Variants in MYZAP observed in about 807,000 individuals in gnomAD.
The protein encoded by MYZAP is GRINL1A complex locus upstream.
A neutral mutation model predicts 69.4 loss-of-function variants in MYZAP; 66 were observed. The observed-to-expected ratio is 0.95, with a 90% CI of 0.78 to 1.17. The LOEUF (loss-of-function observed/expected upper bound fraction) is 1.17, where lower values mean the gene tolerates loss of function less well. Ranked by LOEUF, MYZAP falls within the 50% of genes most tolerant of loss-of-function variation. MYZAP has a pLI of 0.00. For synonymous variants in MYZAP, 256 were observed against 205.9 expected (o/e 1.24, Z -2.09); for missense variants, 611 against 556.2 (o/e 1.10, Z -0.99).
At chr15:57,657,807 T>C (rs2038079686) in intron 10 of MYZAP, among the ~76,000 whole-genome samples, 1 of 152,190 alleles carries the variant, frequency 6.6e-6, no homozygotes. Flanking sequence ...AACAGCTTTA[T>C]GGCTCTTAAT....
intron 10 of MYZAP, among the ~76,000 whole-genome samples, chr15:57,655,408 A>G (rs1281917591): frequency 1.3e-5 from 2 of 152,200 alleles, no homozygotes; most frequent in Non-Finnish European, 2.9e-5. Flanking sequence ...CTCCCGTGCC[A>G]TGCTAGTGAG....
At chr15:57,656,196 A>G (rs1342446005) in intron 10 of MYZAP, among the ~76,000 whole-genome samples, 2 of 152,208 alleles carry the variant, frequency 1.3e-5, no homozygotes, top group Non-Finnish European at 2.9e-5. Context: ...TAGCAAGATC[A>G]TCTTGGCCCA....
At chr15:57,670,494 C>T (rs2038817762) in intron 11 of MYZAP, among the ~76,000 whole-genome samples, 1 of 152,004 alleles carries the variant, frequency 6.6e-6, no homozygotes, top group Non-Finnish European at 1.5e-5. Flanking sequence ...TAAAGTACAT[C>T]TCTTATAGAA....
rs907055274 is a variant in MYZAP at position 57,607,614 on chromosome 15, A to G, written c.162+3259A>G. On this transcript the variant is annotated intron_variant, in intron 2 of 12. Coordinates refer to ENST00000267853, the MANE Select transcript of MYZAP (RefSeq NM_001018100.5). ...TGAGAACTCCAAGGCCCTGAGGAGC[A>G]CAGGACAGGCACTGCTGGGATAGCA... 7.2e-5 allele frequency among the ~76,000 whole-genome samples: 11 copies of G among 152,150 alleles called. 1 individual carries two copies. The highest frequency in any genetic ancestry group is 6.5e-5 in the Admixed American group (1 of 15,278).
chr15:57,598,033 T>C (rs2034175157), intron 1 of MYZAP, among the ~76,000 whole-genome samples: 1 of 152,190 alleles, frequency 6.6e-6, no homozygotes, highest in African/African-American at 2.4e-5. Flanking sequence ...CTTAGGGAAA[T>C]CCATCTTTGT....
chr15:57,632,582 T>A (rs747045108), intron 7 of MYZAP, 23 bp downstream of exon 7: 40 of 1,612,696 alleles, frequency 2.5e-5, no homozygotes, highest in Non-Finnish European at 3.2e-5. Flanking sequence ...TAGCTGCCGA[T>A]GTAAACTTAC....
chr15:57,663,647 G>A (rs530924241), intron 11 of MYZAP, among the ~76,000 whole-genome samples: 2 of 152,200 alleles, frequency 1.3e-5, no homozygotes, highest in African/African-American at 2.4e-5. Context: ...CTGGGGGGTT[G>A]TGGCAGTTCT....
intron 11 of MYZAP, among the ~76,000 whole-genome samples, chr15:57,664,145 TG>T (rs1413671912): frequency 4.6e-5 from 7 of 151,962 alleles, no homozygotes; most frequent in Non-Finnish European, 8.8e-5. Context: ...AACATCATTT[TG>T]ACACCTTTCA....
chr15:57,661,649 A>G (rs2038314867), intron 11 of MYZAP, 116 bp downstream of exon 11: 1 of 916,676 alleles, frequency 1.1e-6, no homozygotes, highest in Non-Finnish European at 1.6e-6. Context: ...TATAAAATTG[A>G]TTGAGGGTTA....
chr15:57,635,818 A>G (rs1291836119), intron 8 of MYZAP, among the ~76,000 whole-genome samples: 1 of 152,220 alleles, frequency 6.6e-6, no homozygotes, highest in African/African-American at 2.4e-5. Context: ...CTCAAGGACA[A>G]ACCATGTGCT....
At chr15:57,680,484 T>TAC (rs1434831826) in intron 12 of MYZAP, among the ~76,000 whole-genome samples, 102 of 89,048 alleles carry the variant, frequency 1.1e-3, no homozygotes, top group African/African-American at 4.3e-3. Context: ...GGTTCAGGAG[T>TAC]TCACACACAC....
At chr15:57,639,374 A>G (rs535802374) in intron 9 of MYZAP, 66 bp from the exon 10 acceptor site, 1 of 1,532,880 alleles carries the variant, frequency 6.5e-7, no homozygotes, top group African/African-American at 1.4e-5. Context: ...TAAAGCTGTG[A>G]CTGTTGCTAC....
chr15:57,599,348 C>T, intron 1 of MYZAP: 1 of 553,404 alleles, frequency 1.8e-6, no homozygotes, highest in Non-Finnish European at 2.4e-6. Flanking sequence ...CCTTGGAGGC[C>T]AGCATTTTTT....
At chr15:57,604,231 C>T (rs183081206) in intron 1 of MYZAP, 38 bp from the exon 2 acceptor site, 3 of 1,608,300 alleles carry the variant, frequency 1.9e-6, no homozygotes, top group African/African-American at 2.7e-5. Flanking sequence ...GCCCCAAATG[C>T]TGACTCCTAA....
intron 10 of MYZAP, 53 bp downstream of exon 10, chr15:57,639,598 G>A: frequency 6.3e-7 from 1 of 1,576,760 alleles, no homozygotes; most frequent in South Asian, 1.2e-5. Context: ...TGGTGGGGAA[G>A]CATCCCCAGA....
intron 2 of MYZAP, among the ~76,000 whole-genome samples, chr15:57,615,913 T>G (rs1237695631): frequency 6.6e-6 from 1 of 152,074 alleles, no homozygotes; most frequent in Non-Finnish European, 1.5e-5. Flanking sequence ...AAGCAATGGT[T>G]GTAGTATTTT....
intron 1 of MYZAP, among the ~76,000 whole-genome samples, chr15:57,596,951 C>A (rs1248186857): frequency 6.6e-6 from 1 of 152,156 alleles, no homozygotes; most frequent in Non-Finnish European, 1.5e-5. Flanking sequence ...GAAGACAGGG[C>A]TTAGGAACCA....
At chr15:57,620,895 G>A (rs2035763935) in intron 3 of MYZAP, among the ~76,000 whole-genome samples, 2 of 151,778 alleles carry the variant, frequency 1.3e-5, no homozygotes, top group South Asian at 2.1e-4. Context: ...AGGGTGATAG[G>A]TGAATTTCAA....
At chr15:57,604,937 G>A (rs1204198929) in intron 2 of MYZAP, among the ~76,000 whole-genome samples, 6 of 152,208 alleles carry the variant, frequency 3.9e-5, no homozygotes, top group South Asian at 2.1e-4. Flanking sequence ...TGGGTGAGAC[G>A]ATGATGTGAT....
Sources: allele counts gnomAD v4.1 joint callset (sites outside exome capture counted in the v4.1 genomes callset), GRCh38; gene constraint gnomAD v4.1.1; transcripts MANE v1.5; gene names NCBI Gene and HGNC (gene_info 2026-07-23, HGNC 2026-07-21).